Variants in TRMT11 observed in about 807,000 individuals in gnomAD.
TRMT11 encodes the protein tRNA methyltransferase 11, also known as tRNA (guanine(10)-N(2))-methyltransferase TRMT11.
Under a neutral mutation model 62.8 loss-of-function variants are expected in TRMT11, and 53 were observed. That is an observed-to-expected ratio of 0.84 (90% CI 0.68 to 1.06). TRMT11 has a LOEUF of 1.06. Among genes scored for constraint, TRMT11 ranks in the 50% least tolerant of loss-of-function variants. The pLI is 0.00. For missense variants in TRMT11, 556 were observed against 553.4 expected (o/e 1.00, Z -0.05); for synonymous variants, 188 against 190.3 (o/e 0.99, Z 0.10).
intron 11 of TRMT11, among the ~76,000 whole-genome samples, chr6:126,019,245 T>C (rs1221488196): frequency 6.6e-6 from 1 of 152,214 alleles, no homozygotes. Context: ...TATTGTTAAA[T>C]TAATTGGCTC....
intron 3 of TRMT11, among the ~76,000 whole-genome samples, 183 bp downstream of exon 3, chr6:125,996,223 C>T (rs1027808087): frequency 6.6e-6 from 1 of 152,170 alleles, no homozygotes; most frequent in African/African-American, 2.4e-5. Context: ...ATGAAAGAAT[C>T]TCTGGGGAAA....
intron 17 of TRMT11, among the ~76,000 whole-genome samples, chr6:126,062,516 T>C (rs955463701): frequency 6.6e-6 from 1 of 152,190 alleles, no homozygotes; most frequent in Non-Finnish European, 1.5e-5. Flanking sequence ...TTTGGTGTGG[T>C]TTTATTTTAG....
chr6:126,202,136 T>C (rs1191529027), exon 4 of TRMT11: 2 of 152,228 alleles, frequency 1.3e-5, no homozygotes, highest in African/African-American at 4.8e-5. Flanking sequence ...AACTCATATG[T>C]AGCCCTGGTA....
the TRMT11 span, among the ~76,000 whole-genome samples, chr6:126,255,764 A>G: frequency 6.6e-6 from 1 of 152,196 alleles, no homozygotes; most frequent in Non-Finnish European, 1.5e-5. Flanking sequence ...TAATTAGGTA[A>G]TATTTCAAAA....
intron 7 of TRMT11, among the ~76,000 whole-genome samples, chr6:125,999,926 T>C (rs1410016087): frequency 1.3e-5 from 2 of 152,194 alleles, no homozygotes; most frequent in Non-Finnish European, 2.9e-5. Flanking sequence ...GTATAGTTTA[T>C]TTAAATAGGA....
the TRMT11 span, among the ~76,000 whole-genome samples, chr6:126,231,334 T>C: frequency 6.6e-6 from 1 of 152,250 alleles, no homozygotes; most frequent in South Asian, 2.1e-4. Flanking sequence ...ATAGATATAT[T>C]GGAAAAGTTT....
At chr6:126,192,371 T>G (rs964003919) in intron 1 of TRMT11, among the ~76,000 whole-genome samples, 2 of 152,164 alleles carry the variant, frequency 1.3e-5, no homozygotes, top group Non-Finnish European at 2.9e-5. Flanking sequence ...AAATATAAGA[T>G]CATGTCTTAT....
intron 1 of TRMT11, among the ~76,000 whole-genome samples, chr6:125,992,173 T>G (rs1288589586): frequency 6.6e-6 from 1 of 152,250 alleles, no homozygotes; most frequent in East Asian, 1.9e-4. Flanking sequence ...ATCATATTTA[T>G]TCTCAGTTTT....
rs1791999419 is a variant in TRMT11, at chr6:125,998,660, A to G, written c.498A>G (p.Pro166=). The G allele has an allele frequency of 1.9e-6, 3 of 1,612,584 alleles. No individual in the cohort carries two copies. The highest frequency in any genetic ancestry group is 1.3e-5 in the African/African-American group (1 of 74,946). The part of the protein sequence containing the change: ...GLDPNCIPEN[P]HNIYFGRWIA... ...ACCCAAACTGCATCCCTGAGAATCC[A>G]CATAATATTTATTTTGGTAGATGGG... Residue 166 remains proline (P), a synonymous_variant, in exon 6 of 13, where the codon CCA becomes CCG. Coordinates refer to ENST00000334379, the MANE Select transcript of TRMT11 (RefSeq NM_001031712.3).
At chr6:126,044,753 G>A (rs1408667980) in intron 16 of TRMT11, among the ~76,000 whole-genome samples, 1 of 152,120 alleles carries the variant, frequency 6.6e-6, no homozygotes, top group African/African-American at 2.4e-5. Flanking sequence ...CATGCTTACT[G>A]CCCATTATAA....
intron 17 of TRMT11, among the ~76,000 whole-genome samples, chr6:126,071,224 G>A (rs1358154890): frequency 6.6e-6 from 1 of 152,024 alleles, no homozygotes; most frequent in Non-Finnish European, 1.5e-5. Flanking sequence ...TTTCCTTGGG[G>A]GGGTGGGGGT....
chr6:126,144,373 G>A (rs1777952312), intron 21 of TRMT11, among the ~76,000 whole-genome samples: 1 of 152,210 alleles, frequency 6.6e-6, no homozygotes, highest in Admixed American at 6.5e-5. Flanking sequence ...CACTAAAACC[G>A]TAACCCAGGC....
At chr6:126,096,499 A>G (rs1777341007) in intron 17 of TRMT11, among the ~76,000 whole-genome samples, 1 of 152,018 alleles carries the variant, frequency 6.6e-6, no homozygotes, top group Non-Finnish European at 1.5e-5. Context: ...CATTGCTTAC[A>G]TCATTAGGTC....
At chr6:126,179,191 C>T (rs993004056) in intron 1 of TRMT11, among the ~76,000 whole-genome samples, 1 of 152,120 alleles carries the variant, frequency 6.6e-6, no homozygotes, top group African/African-American at 2.4e-5. Flanking sequence ...GACCTTCTTC[C>T]TTCCTGTGAA....
intron 17 of TRMT11, among the ~76,000 whole-genome samples, chr6:126,077,924 C>G (rs547789122): frequency 6.6e-6 from 1 of 152,254 alleles, no homozygotes; most frequent in Admixed American, 6.5e-5. Flanking sequence ...TAAAGAAATG[C>G]TTAATCATAG....
At chr6:126,244,326 A>G in the TRMT11 span, among the ~76,000 whole-genome samples, 8 of 152,316 alleles carry the variant, frequency 5.3e-5, no homozygotes, top group East Asian at 1.5e-3. Context: ...GTTATTTTTA[A>G]AACTAAATTA....
the TRMT11 span, among the ~76,000 whole-genome samples, chr6:126,247,525 AATAAATAT>A: frequency 2.0e-5 from 3 of 146,424 alleles, no homozygotes; most frequent in African/African-American, 5.0e-5. Context: ...TAAATATATA[AATAAATAT>A]ATAAATATAT....
chr6:126,207,186 A>G (rs896334489), downstream of TRMT11, among the ~76,000 whole-genome samples: 2 of 152,204 alleles, frequency 1.3e-5, no homozygotes. Context: ...ATATTGGCAC[A>G]TTCCCCAGTC....
chr6:126,141,741 G>T (rs1479304753), intron 21 of TRMT11, among the ~76,000 whole-genome samples: 1 of 151,982 alleles, frequency 6.6e-6, no homozygotes, highest in East Asian at 1.9e-4. Context: ...GCTCAGTTCT[G>T]GCCTTTATCT....
Sources: gnomAD v4.1 joint callset for allele counts (sites outside exome capture counted in the v4.1 genomes callset) on GRCh38, gnomAD v4.1.1 for gene constraint, MANE v1.5 for transcripts, NCBI Gene and HGNC (gene_info 2026-07-23, HGNC 2026-07-21) for gene names.